The following XKR6 variants were observed in gnomAD, a reference collection of about 807,000 sequenced individuals.
The protein encoded by XKR6 is XK related 6, also known as XK-related protein 6.
A neutral mutation model predicts 56.7 loss-of-function variants in XKR6; 22 were observed. That is an observed-to-expected ratio of 0.39 (90% CI 0.28 to 0.55). The LOEUF (loss-of-function observed/expected upper bound fraction) is 0.55, where lower values mean the gene tolerates loss of function less well. XKR6 is among the 20% of genes least tolerant of loss of function. The pLI, the probability that XKR6 is intolerant of heterozygous loss-of-function variation, is 0.66. For missense variants in XKR6, 852 were observed against 889.0 expected, an observed-to-expected ratio of 0.96 and a Z score of 0.53; for synonymous variants, 524 against 387.8, an observed-to-expected ratio of 1.35 and a Z score of -4.13.
chr8:11,124,981 C>T (rs1277573787), intron 1 of XKR6, among the ~76,000 whole-genome samples: 3 of 148,392 alleles, frequency 2.0e-5, no homozygotes, highest in African/African-American at 5.0e-5. Flanking sequence ...CCCAGCTACT[C>T]GGGAGGCTGA....
At chr8:11,180,356 T>C (rs1315405132) in intron 1 of XKR6, among the ~76,000 whole-genome samples, 1 of 152,048 alleles carries the variant, frequency 6.6e-6, no homozygotes, top group Non-Finnish European at 1.5e-5. Flanking sequence ...ACAAGGAATG[T>C]TTGGACTAAA....
intron 1 of XKR6, among the ~76,000 whole-genome samples, chr8:11,182,827 A>G (rs182449417): frequency 6.6e-6 from 1 of 152,328 alleles, no homozygotes; most frequent in Non-Finnish European, 1.5e-5. Context: ...GCAAGTTTTT[A>G]TCTTGTAAAA....
chr8:10,984,425 C>T (rs1797804238), intron 1 of XKR6, among the ~76,000 whole-genome samples: 1 of 152,022 alleles, frequency 6.6e-6, no homozygotes, highest in Admixed American at 6.6e-5. Flanking sequence ...TTAGCATTGG[C>T]CTGAGGGCAC....
At chr8:10,982,858 G>A (rs1356208682) in intron 1 of XKR6, among the ~76,000 whole-genome samples, 1 of 152,202 alleles carries the variant, frequency 6.6e-6, no homozygotes, top group Non-Finnish European at 1.5e-5. Flanking sequence ...GGCATGGCTT[G>A]GGGTTTGAGG....
rs79193216 is a variant in XKR6 at position 10,994,858 on chromosome 8, C to T, written c.765-70028G>A. Among the ~76,000 whole-genome samples, 61 of 152,142 alleles carry T rather than the reference C, an allele frequency of 4.0e-4. No homozygotes were observed. The East Asian group carries it at 0.011, about 27-fold the overall frequency. On this transcript the variant is annotated intron_variant, in intron 1 of 2. Coordinates refer to ENST00000416569, the MANE Select transcript of XKR6 (RefSeq NM_173683.4). ...ATGAGGCCTCCCCCTAAATTTTAGC[C>T]CAGAAAAAGGACAGCAGTGGGTGGG...
In XKR6 at chr8:11,201,277, G is replaced by C; in HGVS notation, c.63C>G (p.Asp21Glu). ...CCTCGCCGCCGCTGCCCACCGCCTC[G>C]TCCAGGTTGTGCAGCTGAGCGAAGC... The part of the protein sequence containing the change: ...GVGFAQLHNL[D>E]EAVGSGGEED... Residue 21 changes from aspartate (D) to glutamate (E), a missense_variant, in exon 1 of 3, where the codon GAC (aspartate) becomes GAG (glutamate). This residue lies in a region of XKR6 where 417 missense variants were observed against 355.2 expected (regional missense o/e 1.17). Coordinates refer to ENST00000416569, the MANE Select transcript of XKR6 (RefSeq NM_173683.4). 3 of 1,579,828 alleles carry C rather than the reference G, an allele frequency of 1.9e-6. No individual in the cohort carries two copies. Among genetic ancestry groups the C allele is most frequent in the South Asian group, 1.1e-5 (1 of 88,628 alleles).
intron 1 of XKR6, chr8:11,175,279 A>T (rs1326883722): frequency 6.5e-6 from 1 of 152,738 alleles, no homozygotes; most frequent in Non-Finnish European, 1.5e-5. Context: ...GGCTGGACAC[A>T]GGTGAACTTT....
At chr8:10,973,137 A>G (rs184297613) in intron 1 of XKR6, among the ~76,000 whole-genome samples, 24 of 152,392 alleles carry the variant, frequency 1.6e-4, no homozygotes, top group Middle Eastern at 3.4e-3. Context: ...TTATAGGACT[A>G]GAGTTTTAAT....
chr8:11,161,534 T>G (rs957708457), intron 1 of XKR6, among the ~76,000 whole-genome samples: 1 of 152,236 alleles, frequency 6.6e-6, no homozygotes, highest in East Asian at 1.9e-4. Flanking sequence ...ATGACCACAA[T>G]GCACACATCA....
intron 1 of XKR6, among the ~76,000 whole-genome samples, chr8:11,119,586 T>C (rs930855070): frequency 6.6e-6 from 1 of 152,214 alleles, no homozygotes; most frequent in African/African-American, 2.4e-5. Flanking sequence ...TTTTGATCTT[T>C]GTTGGTTTAA....
chr8:10,980,590 C>T (rs911323170), intron 1 of XKR6, among the ~76,000 whole-genome samples: 1 of 152,142 alleles, frequency 6.6e-6, no homozygotes, highest in East Asian at 1.9e-4. Context: ...TATCGATCTA[C>T]CATGGATTAG....
At chr8:10,966,058 A>C (rs1802212916) in intron 1 of XKR6, among the ~76,000 whole-genome samples, 1 of 152,198 alleles carries the variant, frequency 6.6e-6, no homozygotes, top group African/African-American at 2.4e-5. Flanking sequence ...CCTCGGGTAC[A>C]TCCAGATAAC....
chr8:11,121,612 T>C (rs565682115), intron 1 of XKR6, among the ~76,000 whole-genome samples: 12 of 152,350 alleles, frequency 7.9e-5, no homozygotes, highest in African/African-American at 2.9e-4. Context: ...TCAACCATTG[T>C]GGAAGTCAGT....
intron 1 of XKR6, among the ~76,000 whole-genome samples, chr8:10,933,039 C>T (rs1246805618): frequency 1.3e-5 from 2 of 152,060 alleles, no homozygotes; most frequent in Non-Finnish European, 2.9e-5. Flanking sequence ...TACAGTCCCA[C>T]CAACAGTGTA....
At chr8:11,101,104 T>C (rs1369918898) in intron 1 of XKR6, among the ~76,000 whole-genome samples, 1 of 152,208 alleles carries the variant, frequency 6.6e-6, no homozygotes, top group African/African-American at 2.4e-5. Context: ...CGGGTAGTAT[T>C]TGCAGTACAG....
At chr8:11,011,293 G>A (rs1260008944) in intron 1 of XKR6, among the ~76,000 whole-genome samples, 3 of 152,208 alleles carry the variant, frequency 2.0e-5, no homozygotes, top group Non-Finnish European at 4.4e-5. Flanking sequence ...GGAACCACCA[G>A]AAAGGAAGCC....
chr8:11,076,380 T>G (rs1228344405), intron 1 of XKR6, among the ~76,000 whole-genome samples: 1 of 152,180 alleles, frequency 6.6e-6, no homozygotes, highest in Admixed American at 6.5e-5. Flanking sequence ...GATTTTATAT[T>G]ATGCATATTT....
intron 1 of XKR6, among the ~76,000 whole-genome samples, chr8:11,144,833 A>G (rs1250832762): frequency 7.0e-6 from 1 of 143,066 alleles, no homozygotes; most frequent in African/African-American, 2.5e-5. Context: ...AAGACAGCTC[A>G]GTTTGGAGGA....
chr8:10,902,329 A>G (rs887617551), intron 2 of XKR6, among the ~76,000 whole-genome samples: 1 of 152,118 alleles, frequency 6.6e-6, no homozygotes, highest in South Asian at 2.1e-4. Flanking sequence ...TGAATGGCCA[A>G]ACCTTCTATC....
Sources: allele counts gnomAD v4.1 joint callset (sites outside exome capture counted in the v4.1 genomes callset), GRCh38; gene constraint gnomAD v4.1.1; regional missense constraint gnomAD v4.1.1; transcripts MANE v1.5; gene names NCBI Gene and HGNC (gene_info 2026-07-23, HGNC 2026-07-21).